Variants in PLCH1 observed in about 807,000 individuals in gnomAD.
PLCH1 encodes the protein phospholipase C eta 1.
PLCH1 carries 60 observed loss-of-function variants against 126.7 expected under a neutral mutation model. The observed-to-expected ratio is 0.47, with a 90% CI of 0.38 to 0.59. PLCH1 has a LOEUF of 0.59. Ranked by LOEUF, PLCH1 falls within the 20% of genes least tolerant of loss-of-function variation. The pLI is 0.00. For missense variants in PLCH1, 1,723 were observed against 2,040.0 expected (o/e 0.84, Z 2.99); for synonymous variants, 719 against 734.9 (o/e 0.98, Z 0.35).
chr3:155,609,669 T>A (rs1266800296), intron 2 of PLCH1, among the ~76,000 whole-genome samples: 1 of 151,472 alleles, frequency 6.6e-6, no homozygotes, highest in Non-Finnish European at 1.5e-5. Context: ...GAATGAAAAA[T>A]TTGCCAGACA....
At chr3:155,612,699 T>C (rs916500673) in intron 2 of PLCH1, among the ~76,000 whole-genome samples, 5 of 151,358 alleles carry the variant, frequency 3.3e-5, no homozygotes, top group East Asian at 1.9e-4. Context: ...TCACCTGAGG[T>C]TGGGAGTTCG....
chr3:155,619,704 C>T (rs1419713076), intron 2 of PLCH1, among the ~76,000 whole-genome samples: 1 of 152,030 alleles, frequency 6.6e-6, no homozygotes, highest in Non-Finnish European at 1.5e-5. Flanking sequence ...TGCCCTCAGG[C>T]CTAAAGAATC....
chr3:155,706,543 C>T (rs1358191232), intron 1 of PLCH1, among the ~76,000 whole-genome samples: 1 of 151,692 alleles, frequency 6.6e-6, no homozygotes, highest in South Asian at 2.1e-4. Context: ...TCACTTGAAC[C>T]CAGGAGGCGG....
At chr3:155,571,635 G>T (rs1729239811) in intron 6 of PLCH1, among the ~76,000 whole-genome samples, 1 of 152,186 alleles carries the variant, frequency 6.6e-6, no homozygotes, top group South Asian at 2.1e-4. Flanking sequence ...CTGACCTCAG[G>T]TGATCTGCCC....
At chr3:155,585,991 C>A in intron 5 of PLCH1, 74 bp downstream of exon 5, 1 of 1,322,950 alleles carries the variant, frequency 7.6e-7, no homozygotes, top group Non-Finnish European at 1.1e-6. Context: ...AACAAAATAG[C>A]TTTTTAATAT....
chr3:155,455,820 C>T (rs1422268991), intron 21 of PLCH1, among the ~76,000 whole-genome samples: 1 of 152,174 alleles, frequency 6.6e-6, no homozygotes, highest in Admixed American at 6.5e-5. Flanking sequence ...CTTTTCCTGG[C>T]TTTGTTGGAG....
At chr3:155,717,481 G>A (rs1159344043) in intron 1 of PLCH1, among the ~76,000 whole-genome samples, 2 of 152,228 alleles carry the variant, frequency 1.3e-5, no homozygotes, top group East Asian at 3.9e-4. Context: ...TAAATCCTGT[G>A]ATATCTAGGG....
intron 2 of PLCH1, among the ~76,000 whole-genome samples, chr3:155,646,395 A>T (rs1485886404): frequency 6.6e-6 from 1 of 152,136 alleles, no homozygotes. Flanking sequence ...AACTTCTGAA[A>T]TGACATCCGG....
intron 10 of PLCH1, among the ~76,000 whole-genome samples, chr3:155,527,828 G>A (rs535582503): frequency 5.4e-4 from 82 of 151,468 alleles, no homozygotes; most frequent in African/African-American, 1.8e-3. Context: ...GCTGAGGCAG[G>A]AGAATCGCTT....
In PLCH1 at chr3:155,704,181, C is replaced by T. The variant is rs751549906; in HGVS notation, c.44G>A (p.Arg15His). The T allele has an allele frequency of 1.9e-5, 23 of 1,228,988 alleles. No individual in the cohort carries two copies. Among genetic ancestry groups the T allele is most frequent in the South Asian group, 1.6e-4 (4 of 24,272 alleles). The allele number at this position is 1,228,988 out of a possible 1,614,324, so 76.1% of individuals were successfully genotyped here. ...NLEKRNCVQY[R>H]RHFLVDNSVF... Reference sequence around the variant, plus strand: ...ACTGTTGTCCACCAGAAAATGCCTGCGGTACTGCACACAGTTCCTTTTTTC... The same window carrying T: ...ACTGTTGTCCACCAGAAAATGCCTGTGGTACTGCACACAGTTCCTTTTTTC... The change falls in exon 2 of 23, where the codon CGC becomes CAC. Residue 15 changes from arginine (R) to histidine (H), a missense_variant. Transcript: ENST00000460012.
intron 1 of PLCH1, among the ~76,000 whole-genome samples, chr3:155,709,921 T>TA (rs1746968484): frequency 1.3e-5 from 2 of 152,132 alleles, no homozygotes; most frequent in African/African-American, 4.8e-5. Flanking sequence ...CCTGGCCTTT[T>TA]TAAAAATTTT....
chr3:155,699,535 C>T (rs1327938081), intron 2 of PLCH1, among the ~76,000 whole-genome samples: 1 of 152,162 alleles, frequency 6.6e-6, no homozygotes, highest in African/African-American at 2.4e-5. Flanking sequence ...GCTACTCTAA[C>T]ATAAAATCTA....
chr3:155,502,090 C>G (rs546082673), intron 13 of PLCH1, among the ~76,000 whole-genome samples: 1 of 152,166 alleles, frequency 6.6e-6, no homozygotes, highest in South Asian at 2.1e-4. Flanking sequence ...CAGTAAGATG[C>G]CAGTTTGGTT....
intron 8 of PLCH1, among the ~76,000 whole-genome samples, chr3:155,556,704 G>T (rs936786586): frequency 6.6e-6 from 1 of 152,194 alleles, no homozygotes; most frequent in Non-Finnish European, 1.5e-5. Context: ...TCAGCTGAGA[G>T]CCTTAAGAGC....
rs1713838365 is a variant in PLCH1, at chr3:155,480,493, A to G, written c.*475T>C. 6.5e-6 allele frequency: 1 copy of G among 154,000 alleles called. No homozygotes were observed. Among genetic ancestry groups the G allele is most frequent in the Admixed American group, 6.4e-5 (1 of 15,628 alleles). The allele number at this position is 154,000 out of a possible 1,614,324, so 9.5% of individuals were successfully genotyped here. On this transcript the variant is annotated 3_prime_UTR_variant, in exon 23 of 23. Coordinates refer to ENST00000460012, the MANE Select transcript of PLCH1 (RefSeq NM_014996.4). ...AAGTTTTTAAAACTGAGTTATAAAA[A>G]TGCATCTGGGCTTCTGAACAAAGAG...
chr3:155,539,157 A>G (rs1019623479), intron 10 of PLCH1, among the ~76,000 whole-genome samples: 1 of 152,192 alleles, frequency 6.6e-6, no homozygotes, highest in Non-Finnish European at 1.5e-5. Flanking sequence ...CAAAAATCAC[A>G]TGATCATCTC....
intron 6 of PLCH1, among the ~76,000 whole-genome samples, chr3:155,571,835 C>T (rs62286076): frequency 0.075 from 11,363 of 152,266 alleles, 545 homozygotes; most frequent in South Asian, 0.16. Flanking sequence ...ATCTGCCTCT[C>T]TGCCTGTCCT....
At chr3:155,483,525 TATC>T (rs1015541048) in intron 22 of PLCH1, 50 of 440,182 alleles carry the variant, frequency 1.1e-4, no homozygotes, top group African/African-American at 8.9e-4. Flanking sequence ...AACATAATAA[TATC>T]ATTTTCAAAA....
At chr3:155,741,686 T>TTTATTTTTTTTTTATTTTTA (rs1283892898) in intron 1 of PLCH1, among the ~76,000 whole-genome samples, 19 of 124,596 alleles carry the variant, frequency 1.5e-4, no homozygotes, top group Middle Eastern at 4.5e-3. Context: ...TATATCCTCT[T>TTTATTTTTTTTTTATTTTTA]TTTTTTTTTT....
Sources: gnomAD v4.1 joint callset for allele counts (sites outside exome capture counted in the v4.1 genomes callset) on GRCh38, gnomAD v4.1.1 for gene constraint, MANE v1.5 for transcripts, NCBI Gene and HGNC (gene_info 2026-07-23, HGNC 2026-07-21) for gene names.